The following NFAM1 variants were observed in gnomAD, a reference collection of about 807,000 sequenced individuals.
NFAM1 encodes the protein NFAT activation molecule 1.
Under a neutral mutation model 29.0 loss-of-function variants are expected in NFAM1, and 17 were observed. The ratio of observed to expected loss-of-function variants is 0.59; its 90% CI spans 0.40 to 0.88. The LOEUF is 0.88. Among genes scored for constraint, NFAM1 ranks in the 40% least tolerant of loss-of-function variants. The pLI, the probability that NFAM1 is intolerant of heterozygous loss-of-function variation, is 0.00. For synonymous variants in NFAM1, 175 were observed against 147.2 expected, an observed-to-expected ratio of 1.19 and a Z score of -1.36; for missense variants, 324 against 344.6, an observed-to-expected ratio of 0.94 and a Z score of 0.47.
In NFAM1 at chr22:42,380,711, T is replaced by C. The variant is rs1928915126; in HGVS notation, c.*4450A>G. The C allele has an allele frequency of 2.0e-5, 3 of 152,570 alleles. No homozygotes were observed. Among genetic ancestry groups the C allele is most frequent in the Admixed American group, 2.0e-4 (3 of 15,276 alleles). 9.5% of individuals were successfully genotyped at this position (152,570 alleles called of 1,614,324 possible). On this transcript the variant is annotated 3_prime_UTR_variant, in exon 6 of 6. Transcript: ENST00000329021. ...CATAAGCTGTCTGCCAAGAAAACTA[T>C]TGAACTACATAAAAATCCATCCCTG... is the stretch of plus-strand genomic sequence containing the variant.
chr22:42,397,742 G>A, intron 4 of NFAM1, 116 bp downstream of exon 4: 1 of 674,476 alleles, frequency 1.5e-6, no homozygotes, highest in Non-Finnish European at 2.7e-6. Context: ...TGAGGAACTT[G>A]AGGCTAGGAG....
chr22:42,398,516 G>A lies in NFAM1; in HGVS notation c.565-560C>T, dbSNP rs150321282. ...CAACCTCTGCCTCCCGGGTTCAAGC[G>A]ATTCTCCCGCCTCAGCCTCCTGAGC... is the stretch of plus-strand genomic sequence containing the variant. On this transcript the variant is annotated intron_variant, in intron 3 of 5. Transcript: ENST00000329021. Among the ~76,000 whole-genome samples, 191 of 151,836 alleles carry A rather than the reference G, an allele frequency of 1.3e-3. 1 individual carries two copies. The East Asian group carries it at 0.03, about 24-fold the overall frequency.
At chr22:42,408,834 C>T (rs1929983703) in intron 3 of NFAM1, among the ~76,000 whole-genome samples, 1 of 152,208 alleles carries the variant, frequency 6.6e-6, no homozygotes. Context: ...ACCAAGCCAC[C>T]CCATCCTGCA....
rs148205809 is a variant in NFAM1, at chr22:42,382,812, C to T, written c.*2349G>A. The stretch of plus-strand genomic sequence containing the variant: ...ATGCTGTGCTCTCCTCCTCCTCCTC[C>T]TCCTCCCTGCCTCTCTCCTTGCTCA... On this transcript the variant is annotated 3_prime_UTR_variant, in exon 6 of 6. Transcript: ENST00000329021. 187 of 154,668 alleles carry T rather than the reference C, an allele frequency of 1.2e-3. No individual in the cohort carries two copies. The highest frequency in any genetic ancestry group is 2.1e-3 in the Admixed American group (32 of 15,326). 9.6% of individuals were successfully genotyped at this position (154,668 alleles called of 1,614,324 possible).
intron 2 of NFAM1, 52 bp downstream of exon 2, chr22:42,411,355 A>G: frequency 7.0e-7 from 1 of 1,431,862 alleles, no homozygotes. Context: ...CCAAACTGCC[A>G]TTTGAAACCT....
chr22:42,383,835 G>GGTGGGAGAACTCAGGGAGAC lies in NFAM1; in HGVS notation c.*1306_*1325dup, dbSNP rs1190497419. The GGTGGGAGAACTCAGGGAGAC allele has an allele frequency of 6.5e-6, 1 of 152,776 alleles. No individual in the cohort carries two copies. The allele number at this position is 152,776 out of a possible 1,614,324, so 9.5% of individuals were successfully genotyped here. A position where few individuals can be genotyped will look rare whatever the true frequency, so the allele number is the denominator to read the frequency against. ...CCTGCCCATTTTACAAATGAGCAAA[G>GGTGGGAGAACTCAGGGAGAC]GTGGGAGAACTCAGGGAGACATGGG... On this transcript the variant is annotated 3_prime_UTR_variant, in exon 6 of 6. Coordinates refer to ENST00000329021, the MANE Select transcript of NFAM1 (RefSeq NM_145912.8).
In NFAM1 at chr22:42,388,460, T is replaced by A. The variant is rs1226564545; in HGVS notation, c.664-1382A>T. ...GACCAGACCCTCCCTCAGAACCTGT[T>A]GGACTCCGGAGCAGAGCCCACCAAC... is the stretch of plus-strand genomic sequence containing the variant. On this transcript the variant is annotated intron_variant, in intron 4 of 5. Transcript: ENST00000329021. This position sits in a 1 kb window ranked among gnomAD's most constrained non-coding sequence, Gnocchi z 4.1. 5.9e-5 allele frequency among the ~76,000 whole-genome samples: 9 copies of A among 152,168 alleles called. No individual in the cohort carries two copies. The highest frequency in any genetic ancestry group is 5.9e-4 in the Admixed American group (9 of 15,278).
Position 42,432,256 on chromosome 22 carries a change from G to C in NFAM1, c.102C>G (p.Pro34=). The C allele has an allele frequency of 1.3e-6, 2 of 1,572,894 alleles. No individual in the cohort carries two copies. The highest frequency in any genetic ancestry group is 1.7e-6 in the Non-Finnish European group (2 of 1,158,676). Residue 34 remains proline, a synonymous_variant, in exon 1 of 6, where the codon CCC becomes CCG. Transcript: ENST00000329021. The part of the protein sequence containing the change: ...PWLLLGVLLL[P]GTLRLAGGQS... ...CACTACCTGCCAGTCGCAGGGTCCC[G>C]GGCAGCAGCAGCACGCCAAGGAGGA...
upstream of NFAM1, among the ~76,000 whole-genome samples, chr22:42,433,914 CG>C (rs1930879056): frequency 6.6e-6 from 1 of 152,058 alleles, no homozygotes; most frequent in Non-Finnish European, 1.5e-5. Context: ...TCAGGGTACA[CG>C]GGGAGCATTG....
At chr22:42,407,142 C>T (rs868487346) in intron 3 of NFAM1, among the ~76,000 whole-genome samples, 18 of 145,070 alleles carry the variant, frequency 1.2e-4, no homozygotes, top group Admixed American at 7.7e-4. Flanking sequence ...AGTGCAGTGG[C>T]GCCATCTCAA....
At chr22:42,414,687 T>TA (rs1452158581) in intron 1 of NFAM1, among the ~76,000 whole-genome samples, 1 of 151,820 alleles carries the variant, frequency 6.6e-6, no homozygotes, top group Non-Finnish European at 1.5e-5. Flanking sequence ...CCCCTCTGTG[T>TA]ACCTACCCTG....
In NFAM1 at chr22:42,402,352, G is replaced by C. The variant is rs1929751472; in HGVS notation, c.565-4396C>G. On this transcript the variant is annotated intron_variant, in intron 3 of 5. Transcript: ENST00000329021. ...TGGCGGCACCCTCAGGCCCCCACGTGGGGCTGTGGACCATGGTCTGGAGCT... is the reference window on the plus strand; with the variant it reads ...TGGCGGCACCCTCAGGCCCCCACGTCGGGCTGTGGACCATGGTCTGGAGCT... Among the ~76,000 whole-genome samples the C allele has an allele frequency of 2.0e-5, 3 of 152,216 alleles. No individual in the cohort carries two copies. In the South Asian group the frequency reaches 6.2e-4, roughly 31 times the overall value.
upstream of NFAM1, among the ~76,000 whole-genome samples, chr22:42,433,384 C>A (rs1007472131): frequency 6.6e-6 from 1 of 152,158 alleles, no homozygotes; most frequent in African/African-American, 2.4e-5. Flanking sequence ...ATGTGATGAT[C>A]CCAGTTGTAC....
chr22:42,415,298 T>C (rs979048636), intron 1 of NFAM1, among the ~76,000 whole-genome samples: 45 of 139,728 alleles, frequency 3.2e-4, no homozygotes, highest in African/African-American at 8.6e-4. Flanking sequence ...TTCTTTCTTT[T>C]TTTTTTTTTT....
chr22:42,388,202 C>T lies in NFAM1; in HGVS notation c.664-1124G>A, dbSNP rs567376467. Among the ~76,000 whole-genome samples, 3 of 110,164 alleles carry T rather than the reference C, an allele frequency of 2.7e-5. No individual in the cohort carries two copies. The highest frequency in any genetic ancestry group is 1.2e-4 in the African/African-American group (3 of 25,546). The allele number at this position is 110,164 out of a possible 152,430, so 72.3% of individuals were successfully genotyped here. On this transcript the variant is annotated intron_variant, in intron 4 of 5. Coordinates refer to ENST00000329021, the MANE Select transcript of NFAM1 (RefSeq NM_145912.8). The surrounding 1 kb of genome is among the most constrained non-coding windows in gnomAD (Gnocchi z 4.1). The stretch of plus-strand genomic sequence containing the variant: ...GTCAGACAAGAGTAGGTTCGAATCT[C>T]GGCTCTGACTGCGCCAGCCAAAGGC...
chr22:42,409,525 CG>C lies in NFAM1; in HGVS notation c.473del (p.Pro158ArgfsTer16). ...AGAGCAGGAGCTTCTGTGGACTCTG[CG>C]GGGGCTCTCGGTACCCTGCGTCTAG... ...LVRDAGYREP[P>X]QSPQKLLLFG... On this transcript the variant is annotated frameshift_variant, in exon 3 of 6. Transcript: ENST00000329021. LOFTEE classifies it high-confidence loss of function. The surrounding 1 kb of genome is among the most constrained non-coding windows in gnomAD (Gnocchi z 4.9). 2.0e-6 allele frequency: 3 copies of C among 1,537,764 alleles called. No individual in the cohort carries two copies. The highest frequency in any genetic ancestry group is 2.6e-6 in the Non-Finnish European group (3 of 1,140,714).
At chr22:42,435,697 G>A (rs969522555), upstream of NFAM1, among the ~76,000 whole-genome samples, 6 of 151,974 alleles carry the variant, frequency 3.9e-5, no homozygotes, top group Middle Eastern at 3.4e-3. Flanking sequence ...TGCCTACTGC[G>A]TGCCAGGCAT....
intron 1 of NFAM1, among the ~76,000 whole-genome samples, chr22:42,418,757 G>C (rs1930341658): frequency 6.6e-6 from 1 of 151,892 alleles, no homozygotes; most frequent in East Asian, 1.9e-4. Flanking sequence ...CATGCCCTCA[G>C]TGCAGGGCAC....
chr22:42,413,007 G>A (rs1028512318), intron 1 of NFAM1, among the ~76,000 whole-genome samples: 3 of 152,184 alleles, frequency 2.0e-5, no homozygotes, highest in African/African-American at 7.2e-5. Context: ...AGGCCTCTGA[G>A]ATGCTGTTTG....
Sources: allele counts gnomAD v4.1 joint callset (sites outside exome capture counted in the v4.1 genomes callset), GRCh38; gene constraint gnomAD v4.1.1; non-coding constraint Gnocchi (gnomAD v3.1); transcripts MANE v1.5; gene names NCBI Gene and HGNC (gene_info 2026-07-23, HGNC 2026-07-21).